Variants in ARHGAP44 observed in about 807,000 individuals in gnomAD.
ARHGAP44 encodes rho GTPase-activating protein 44.
In ARHGAP44, 43 loss-of-function variants were observed where a neutral mutation model predicts 106.8. That is an observed-to-expected ratio of 0.40 (90% CI 0.32 to 0.52). The LOEUF is 0.52. Ranked by LOEUF, ARHGAP44 falls within the 20% of genes least tolerant of loss-of-function variation. The pLI, the probability that ARHGAP44 is intolerant of heterozygous loss-of-function variation, is 0.48. For synonymous variants in ARHGAP44, 439 were observed against 410.3 expected, an observed-to-expected ratio of 1.07 and a Z score of -0.85; for missense variants, 866 against 1,050.5, an observed-to-expected ratio of 0.82 and a Z score of 2.43.
intron 1 of ARHGAP44, among the ~76,000 whole-genome samples, chr17:12,861,653 T>TTTCTTTTTTTAA (rs2036082157): frequency 1.7e-5 from 1 of 59,146 alleles, no homozygotes; most frequent in Non-Finnish European, 3.7e-5. Context: ...ACTTTTTTTT[T>TTTCTTTTTTTAA]TTTTTGAGAT....
chr17:12,811,291 T>C (rs889129495), intron 1 of ARHGAP44, among the ~76,000 whole-genome samples: 18 of 145,916 alleles, frequency 1.2e-4, no homozygotes, highest in African/African-American at 3.1e-4. Flanking sequence ...CCAGCCTGGG[T>C]GACAGAGTGA....
rs769049461 is a variant in ARHGAP44 at position 12,909,003 on chromosome 17, C to T, written c.275+30C>T. On this transcript the variant is annotated intron_variant, in intron 4 of 20. Coordinates refer to ENST00000379672, the MANE Select transcript of ARHGAP44 (RefSeq NM_014859.6). ...GGTGACACCTTGCGTGAGTTTGGTG[C>T]CAAATCTAAGTAAGTCCCCATCCGT... The T allele has an allele frequency of 1.9e-6, 3 of 1,552,084 alleles. No homozygotes were observed. In the South Asian group the frequency reaches 3.7e-5, roughly 19 times the overall value.
rs1263237651 is a variant in ARHGAP44 at position 12,958,094 on chromosome 17, T to TA, written c.1343-623_1343-622insA. 2.0e-5 allele frequency among the ~76,000 whole-genome samples: 3 copies of TA among 152,194 alleles called. No individual in the cohort carries two copies. The highest frequency in any genetic ancestry group is 4.4e-5 in the Non-Finnish European group (3 of 68,034). On this transcript the variant is annotated intron_variant, in intron 15 of 20. Transcript: ENST00000379672. This position sits in a 1 kb window ranked among gnomAD's most constrained non-coding sequence, Gnocchi z 4.1. ...TAGGTTCTGCGGCTGAGCTAATTCA[T>TA]TACCACTGCACACAGACAGAATTGT...
At chr17:12,926,418 ATATG>A (rs2038234376) in intron 6 of ARHGAP44, among the ~76,000 whole-genome samples, 1 of 141,580 alleles carries the variant, frequency 7.1e-6, no homozygotes, top group Non-Finnish European at 1.5e-5. Flanking sequence ...TATATAATAT[ATATG>A]TATATATAAT....
chr17:12,813,011 G>A (rs935535194), intron 1 of ARHGAP44, among the ~76,000 whole-genome samples: 2 of 152,224 alleles, frequency 1.3e-5, no homozygotes, highest in African/African-American at 4.8e-5. Context: ...GGGCCTTGGA[G>A]TAATTGGACC....
chr17:12,918,898 C>A (rs1425874469), intron 5 of ARHGAP44, among the ~76,000 whole-genome samples: 1 of 152,274 alleles, frequency 6.6e-6, no homozygotes, highest in African/African-American at 2.4e-5. Flanking sequence ...CAGAGAAGCA[C>A]AGGACCTGTG....
chr17:12,886,664 A>G (rs971536795), intron 1 of ARHGAP44, among the ~76,000 whole-genome samples: 2 of 151,970 alleles, frequency 1.3e-5, no homozygotes, highest in African/African-American at 4.8e-5. Context: ...TCTTGCAGAA[A>G]CCATTAGTTC....
chr17:12,944,953 T>G (rs547293468), intron 10 of ARHGAP44, among the ~76,000 whole-genome samples: 10 of 152,210 alleles, frequency 6.6e-5, no homozygotes, highest in Admixed American at 5.9e-4. Context: ...AAAATATGAT[T>G]GATAGATATA....
chr17:12,858,529 C>T (rs762778704), intron 1 of ARHGAP44, among the ~76,000 whole-genome samples: 1 of 152,152 alleles, frequency 6.6e-6, no homozygotes, highest in African/African-American at 2.4e-5. Context: ...TGGGTTTTAC[C>T]TTGAAAGTAG....
intron 13 of ARHGAP44, among the ~76,000 whole-genome samples, chr17:12,954,528 G>A (rs2039079751): frequency 6.6e-6 from 1 of 152,186 alleles, no homozygotes; most frequent in Non-Finnish European, 1.5e-5. Context: ...GAGAGGCCGT[G>A]CGTGGAGTTG....
At chr17:12,989,913 GATCT>G in intron 20 of ARHGAP44, 115 bp from the exon 21 acceptor site, 2 of 1,415,500 alleles carry the variant, frequency 1.4e-6, no homozygotes, top group Admixed American at 1.9e-5. Flanking sequence ...ACCTCCAAAT[GATCT>G]ATCCCTAGAA....
chr17:12,790,195 C>T, intron 1 of ARHGAP44: 1 of 388,384 alleles, frequency 2.6e-6, no homozygotes, highest in South Asian at 4.1e-5. Context: ...CCCCGGGACT[C>T]CCTTCTCCCT....
Position 12,833,301 on chromosome 17 carries a change from G to C in ARHGAP44, c.53+43410G>C, listed in dbSNP as rs1274858979. On this transcript the variant is annotated intron_variant, in intron 1 of 20. Transcript: ENST00000379672. ...GTGTTTCATATTGATGGACTTTTTC[G>C]TACGTGTCTGTCTGTATTCATCATA... is the stretch of plus-strand genomic sequence containing the variant. Among the ~76,000 whole-genome samples the C allele has an allele frequency of 3.3e-5, 5 of 152,212 alleles. 1 individual carries two copies. Among genetic ancestry groups the C allele is most frequent in the African/African-American group, 1.2e-4 (5 of 41,534 alleles).
At chr17:12,975,723 A>G (rs570870301) in intron 18 of ARHGAP44, among the ~76,000 whole-genome samples, 22 of 140,652 alleles carry the variant, frequency 1.6e-4, no homozygotes, top group South Asian at 2.3e-4. Context: ...GCGTGAACCC[A>G]GGAGGCGGAG....
chr17:12,929,779 C>G (rs2038347292), intron 7 of ARHGAP44, among the ~76,000 whole-genome samples: 1 of 152,186 alleles, frequency 6.6e-6, no homozygotes, highest in African/African-American at 2.4e-5. Context: ...ACCCAAGGAA[C>G]AAAAACATCA....
chr17:12,883,525 C>G (rs961909144), intron 1 of ARHGAP44, among the ~76,000 whole-genome samples: 3 of 151,564 alleles, frequency 2.0e-5, no homozygotes, highest in African/African-American at 7.3e-5. Context: ...TATCATTTTG[C>G]TACCGAACAA....
At chr17:12,970,357 C>A (rs188252557) in intron 16 of ARHGAP44, among the ~76,000 whole-genome samples, 119 of 127,346 alleles carry the variant, frequency 9.3e-4, no homozygotes, top group African/African-American at 3.7e-3. Context: ...CAGAGCAAGA[C>A]CCTGTCTCAA....
At chr17:12,889,055 G>A (rs567188724) in intron 1 of ARHGAP44, among the ~76,000 whole-genome samples, 2 of 152,120 alleles carry the variant, frequency 1.3e-5, no homozygotes, top group Non-Finnish European at 2.9e-5. Flanking sequence ...GTGTGTTTAG[G>A]CTGGTTACAT....
intron 8 of ARHGAP44, among the ~76,000 whole-genome samples, chr17:12,941,697 C>T (rs1567699154): frequency 6.6e-6 from 1 of 152,120 alleles, no homozygotes; most frequent in South Asian, 2.1e-4. Flanking sequence ...GCCTGTTGGC[C>T]TGCCTCTCAC....
Sources: allele counts gnomAD v4.1 joint callset (sites outside exome capture counted in the v4.1 genomes callset), GRCh38; gene constraint gnomAD v4.1.1; non-coding constraint Gnocchi (gnomAD v3.1); transcripts MANE v1.5; gene names NCBI Gene and HGNC (gene_info 2026-07-23, HGNC 2026-07-21).